The following XRCC1 variants were observed in gnomAD, a reference collection of about 807,000 sequenced individuals.
XRCC1 encodes DNA repair protein XRCC1.
XRCC1 carries 52 observed loss-of-function variants against 83.3 expected under a neutral mutation model. That is an observed-to-expected ratio of 0.62 (90% confidence interval 0.50 to 0.79). The LOEUF (loss-of-function observed/expected upper bound fraction) is 0.79. Among genes scored for constraint, XRCC1 ranks in the 30% least tolerant of loss-of-function variants. The pLI is 0.00. For synonymous variants in XRCC1, 281 were observed against 312.6 expected (o/e 0.90, Z 1.07); for missense variants, 793 against 823.5 (o/e 0.96, Z 0.45).
intron 4 of XRCC1, 90 bp from the exon 5 acceptor site, chr19:43,553,773 G>T: frequency 2.7e-6 from 3 of 1,116,894 alleles, no homozygotes; most frequent in African/African-American, 3.1e-5. Context: ...ACCTCTTCCT[G>T]GCTCCTTCCC....
At chr19:43,569,713 C>T (rs1027968454) in intron 2 of XRCC1, among the ~76,000 whole-genome samples, 3 of 151,132 alleles carry the variant, frequency 2.0e-5, no homozygotes, top group Non-Finnish European at 4.4e-5. Context: ...ACCTGGGAGG[C>T]GGAGGTTGCA....
At chr19:43,572,083 T>C (rs968195957) in intron 2 of XRCC1, among the ~76,000 whole-genome samples, 1 of 152,154 alleles carries the variant, frequency 6.6e-6, no homozygotes, top group Non-Finnish European at 1.5e-5. Context: ...CTGCTCCCTC[T>C]GGGGTTTACC....
chr19:43,554,830 G>A (rs1187157043), intron 3 of XRCC1, 26 bp from the exon 4 acceptor site: 2 of 1,600,656 alleles, frequency 1.2e-6, no homozygotes, highest in Non-Finnish European at 1.7e-6. Context: ...CACAGTGCAT[G>A]AGAACCAGGG....
chr19:43,546,522 A>C, intron 12 of XRCC1, 73 bp downstream of exon 12: 1 of 1,495,004 alleles, frequency 6.7e-7, no homozygotes, highest in Non-Finnish European at 9.0e-7. Context: ...CAGACTCAGG[A>C]GCCCAGGCCG....
intron 3 of XRCC1, among the ~76,000 whole-genome samples, chr19:43,558,869 G>T (rs1972666485): frequency 6.6e-6 from 1 of 151,702 alleles, no homozygotes; most frequent in African/African-American, 2.4e-5. Context: ...AGGTGCAGTG[G>T]CTCAGGTCTG....
chr19:43,551,731 AG>A, intron 9 of XRCC1, 44 bp from the exon 10 acceptor site: 1 of 1,444,952 alleles, frequency 6.9e-7, no homozygotes, highest in Non-Finnish European at 9.7e-7. Context: ...GTGTGATCTG[AG>A]GGGCAAAGGG....
intron 10 of XRCC1, among the ~76,000 whole-genome samples, chr19:43,550,485 C>T (rs1428329615): frequency 6.6e-6 from 1 of 152,140 alleles, no homozygotes; most frequent in Non-Finnish European, 1.5e-5. Context: ...AGCCCACCCA[C>T]CTCACAGCCT....
Position 43,543,673 on chromosome 19 carries a change from T to G in XRCC1, c.1727A>C (p.Tyr576Ser), listed in dbSNP as rs2307177. The G allele has an allele frequency of 0.012, 19,880 of 1,613,906 alleles. 198 individuals carry two copies. Among genetic ancestry groups the G allele is most frequent in the Middle Eastern group, 0.046 (280 of 6,060 alleles). Residue 576 changes from tyrosine (Y) to serine (S), a missense_variant, in exon 16 of 17, where the codon TAT becomes TCT. By Grantham distance (144) the Tyr-to-Ser change is moderately radical (BLOSUM62 -2). Coordinates refer to ENST00000262887, the MANE Select transcript of XRCC1 (RefSeq NM_006297.3). ...VTAFNGELED[Y>S]MSDRVQFVIT... ...CACAAACTGAACCCGGTCACTCATA[T>G]AGTCCTCGAGCTCCCTGGCGGGAGA...
chr19:43,555,785 T>C lies in XRCC1; in HGVS notation c.256-981A>G, dbSNP rs539701672. 2.6e-4 allele frequency among the ~76,000 whole-genome samples: 39 copies of C among 152,330 alleles called. 1 individual carries two copies. In the South Asian group the frequency reaches 3.7e-3, roughly 15 times the overall value. ...TCAAATTATCTGTTAAAATAACTGG[T>C]GTGGTTTTAATCTCCGGGCAAGGAC... On this transcript the variant is annotated intron_variant, in intron 3 of 16. Transcript: ENST00000262887.
chr19:43,569,682 T>C (rs1257375264), intron 2 of XRCC1, among the ~76,000 whole-genome samples: 1 of 151,938 alleles, frequency 6.6e-6, no homozygotes, highest in Non-Finnish European at 1.5e-5. Flanking sequence ...CTTGGGAGGC[T>C]GAGGCAAGAG....
chr19:43,573,032 A>C (rs760629015), intron 2 of XRCC1, among the ~76,000 whole-genome samples: 1 of 146,468 alleles, frequency 6.8e-6, no homozygotes, highest in Non-Finnish European at 1.5e-5. Flanking sequence ...TTATGGGCTC[A>C]ATCAATCCTC....
intron 3 of XRCC1, among the ~76,000 whole-genome samples, chr19:43,556,824 G>A (rs1972641152): frequency 1.3e-5 from 2 of 151,876 alleles, no homozygotes; most frequent in Admixed American, 6.6e-5. Flanking sequence ...AGCCAACATG[G>A]TGAAACACCG....
At chr19:43,553,533 T>C (rs2146052813) in intron 5 of XRCC1, 21 bp from the exon 6 acceptor site, 4 of 1,613,450 alleles carry the variant, frequency 2.5e-6, no homozygotes, top group Non-Finnish European at 3.4e-6. Flanking sequence ...GCAAGGTCAG[T>C]ATTATAGGTG....
chr19:43,548,162 C>T (rs977154397), intron 10 of XRCC1, among the ~76,000 whole-genome samples: 33 of 149,688 alleles, frequency 2.2e-4, no homozygotes, highest in Non-Finnish European at 4.3e-4. Context: ...AGGTGGGGGG[C>T]GCCTCCGCCC....
rs1237231935 is a variant in XRCC1, at chr19:43,551,694, G to A, written c.1083-7C>T. ...GGTGTTGGCAAAGGCACAGCTGGTG[G>A]GGGGCAGAAGTGAAGATGCCAGTTA... On this transcript the variant is annotated splice_polypyrimidine_tract_variant and splice_region_variant and intron_variant, in intron 9 of 16. Coordinates refer to ENST00000262887, the MANE Select transcript of XRCC1 (RefSeq NM_006297.3). 6.2e-7 allele frequency: 1 copy of A among 1,611,794 alleles called. No homozygotes were observed. Among genetic ancestry groups the A allele is most frequent in the Non-Finnish European group, 8.5e-7 (1 of 1,177,972 alleles).
intron 2 of XRCC1, among the ~76,000 whole-genome samples, chr19:43,566,463 C>T (rs1239980696): frequency 1.2e-4 from 17 of 139,528 alleles, no homozygotes; most frequent in African/African-American, 4.3e-4. Flanking sequence ...ACCCAGGAGG[C>T]GGAGGTTGCA....
intron 2 of XRCC1, among the ~76,000 whole-genome samples, chr19:43,565,639 T>C (rs1972744545): frequency 6.6e-6 from 1 of 152,236 alleles, no homozygotes; most frequent in Admixed American, 6.5e-5. Context: ...CTTCTTTGTA[T>C]ATAAAAAAAG....
intron 2 of XRCC1, among the ~76,000 whole-genome samples, chr19:43,567,969 G>A (rs930476383): frequency 2.0e-5 from 3 of 150,786 alleles, no homozygotes; most frequent in African/African-American, 7.3e-5. Flanking sequence ...CCGCCTCCCG[G>A]GTTCAAACAA....
At position 43,553,616 on chromosome 19, in the gene XRCC1, G is replaced by A. The variant is rs2307191; in HGVS notation, c.482C>T (p.Pro161Leu). 8.5e-4 allele frequency: 1,349 copies of A among 1,595,824 alleles called. 8 individuals carry two copies. In the African/African-American group the frequency reaches 0.016, roughly 19 times the overall value. Residue 161 changes from proline (P) to leucine (L), a missense_variant, in exon 5 of 17, where the codon CCG becomes CTG. By Grantham distance (98) the Pro-to-Leu change is moderately conservative (BLOSUM62 -3). Transcript: ENST00000262887. ...SPPDKDEAEA[P>L]SQKVTVTKLG... ...GTGACAGGTACAGCTTACCTGGGAC[G>A]GGGCCTCTGCCTCATCTTTGTCTGG...
Sources: allele counts gnomAD v4.1 joint callset (sites outside exome capture counted in the v4.1 genomes callset), GRCh38; gene constraint gnomAD v4.1.1; transcripts MANE v1.5; gene names NCBI Gene and HGNC (gene_info 2026-07-23, HGNC 2026-07-21).